The following LDLRAD3 variants were observed in gnomAD, a reference collection of about 807,000 sequenced individuals.
The protein encoded by LDLRAD3 is low-density lipoprotein receptor class A domain-containing protein 3.
A neutral mutation model predicts 29.4 loss-of-function variants in LDLRAD3; 20 were observed. The observed-to-expected ratio is 0.68, with a 90% confidence interval of 0.48 to 0.99. The LOEUF is 0.99. Ranked by LOEUF, LDLRAD3 falls within the 50% of genes least tolerant of loss-of-function variation. LDLRAD3 has a pLI of 0.00. For synonymous variants in LDLRAD3, 157 were observed against 192.7 expected, an observed-to-expected ratio of 0.81 and a Z score of 1.53; for missense variants, 420 against 454.3, an observed-to-expected ratio of 0.92 and a Z score of 0.69.
chr11:35,945,831 A>T (rs1027118858), intron 1 of LDLRAD3, among the ~76,000 whole-genome samples: 16 of 152,252 alleles, frequency 1.1e-4, no homozygotes, highest in African/African-American at 3.4e-4. Context: ...TTGTAAAGTT[A>T]ATTTTGTCCC....
At chr11:35,955,490 C>CT (rs1209962878) in intron 1 of LDLRAD3, among the ~76,000 whole-genome samples, 1 of 152,134 alleles carries the variant, frequency 6.6e-6, no homozygotes, top group Non-Finnish European at 1.5e-5. Flanking sequence ...TATCTGCTCA[C>CT]TTTCGGACAC....
intron 1 of LDLRAD3, among the ~76,000 whole-genome samples, chr11:36,007,606 C>T (rs1401488828): frequency 6.6e-6 from 1 of 152,180 alleles, no homozygotes; most frequent in Non-Finnish European, 1.5e-5. Flanking sequence ...CAGCAGTCCT[C>T]CTCAGCCAGC....
intron 2 of LDLRAD3, among the ~76,000 whole-genome samples, chr11:36,065,419 G>A (rs1304948386): frequency 6.6e-6 from 1 of 152,126 alleles, no homozygotes; most frequent in Admixed American, 6.5e-5. Context: ...TTTTGGATAA[G>A]TTAGAAGCTG....
intron 1 of LDLRAD3, among the ~76,000 whole-genome samples, chr11:35,958,081 T>C (rs983772891): frequency 1.3e-5 from 2 of 152,220 alleles, no homozygotes; most frequent in Non-Finnish European, 2.9e-5. Flanking sequence ...CGTGCCAGTA[T>C]ACTAAAATAC....
At chr11:36,073,510 C>T (rs979695990) in intron 2 of LDLRAD3, among the ~76,000 whole-genome samples, 1 of 152,232 alleles carries the variant, frequency 6.6e-6, no homozygotes, top group Admixed American at 6.5e-5. Context: ...GGGGCCTTGC[C>T]CAGGACCCCC....
intron 4 of LDLRAD3, among the ~76,000 whole-genome samples, chr11:36,184,698 C>T (rs547559684): frequency 6.6e-6 from 1 of 152,282 alleles, no homozygotes; most frequent in South Asian, 2.1e-4. Flanking sequence ...ATGAGAAGGC[C>T]ATCCATGGTG....
intron 2 of LDLRAD3, among the ~76,000 whole-genome samples, chr11:36,049,642 G>T (rs1395821903): frequency 1.3e-5 from 2 of 152,184 alleles, no homozygotes; most frequent in East Asian, 3.8e-4. Context: ...GAATGTCTTA[G>T]GTCTGAAAGG....
intron 2 of LDLRAD3, among the ~76,000 whole-genome samples, chr11:36,061,164 A>G (rs908318003): frequency 1.3e-5 from 2 of 152,016 alleles, no homozygotes; most frequent in Non-Finnish European, 2.9e-5. Context: ...CCTGAGACAG[A>G]GTCTCGCTCT....
intron 3 of LDLRAD3, among the ~76,000 whole-genome samples, chr11:36,096,354 C>T (rs571369198): frequency 1.2e-4 from 18 of 152,284 alleles, no homozygotes; most frequent in South Asian, 4.1e-4. Flanking sequence ...CACAGAGAGA[C>T]GCTAGAGCTG....
chr11:36,059,643 C>T (rs1349631623), intron 2 of LDLRAD3, among the ~76,000 whole-genome samples: 2 of 152,208 alleles, frequency 1.3e-5, no homozygotes, highest in Non-Finnish European at 2.9e-5. Context: ...TGGCTGACTT[C>T]TTGTCTTCTA....
At chr11:36,093,559 C>A (rs550897323) in intron 3 of LDLRAD3, among the ~76,000 whole-genome samples, 1 of 152,194 alleles carries the variant, frequency 6.6e-6, no homozygotes, top group East Asian at 1.9e-4. Context: ...TTTTTCTGGG[C>A]CACTTTGCCA....
chr11:36,102,751 G>A (rs979373241), intron 4 of LDLRAD3, among the ~76,000 whole-genome samples: 1 of 152,118 alleles, frequency 6.6e-6, no homozygotes, highest in African/African-American at 2.4e-5. Flanking sequence ...GCAGGCTTTC[G>A]ATGGCTTTTC....
At chr11:36,036,062 GCTGTTGCTGTGCCGT>G in intron 1 of LDLRAD3, 26 bp from the exon 2 acceptor site, 1 of 1,598,960 alleles carries the variant, frequency 6.3e-7, no homozygotes, top group Non-Finnish European at 8.5e-7. Context: ...TGAGGTCCCT[GCTGTTGCTGTGCCGT>G]CTGACCTGTC....
chr11:36,208,677 AAATAAATAATT>A (rs1295849271), intron 4 of LDLRAD3, among the ~76,000 whole-genome samples: 4 of 152,248 alleles, frequency 2.6e-5, no homozygotes, highest in African/African-American at 4.8e-5. Flanking sequence ...CATCTGAAGT[AAATAAATAATT>A]AATAAATAAA....
intron 1 of LDLRAD3, among the ~76,000 whole-genome samples, chr11:36,009,541 A>T (rs1851928664): frequency 6.6e-6 from 1 of 152,252 alleles, no homozygotes; most frequent in Non-Finnish European, 1.5e-5. Context: ...TGAAAGATGT[A>T]AAGTGGAATT....
At chr11:36,099,682 T>G (rs2133275364) in intron 4 of LDLRAD3, among the ~76,000 whole-genome samples, 1 of 152,308 alleles carries the variant, frequency 6.6e-6, no homozygotes, top group East Asian at 1.9e-4. Context: ...GGTCCTAGCT[T>G]TTATTTTGAT....
At chr11:36,045,202 C>G (rs1167110443) in intron 2 of LDLRAD3, among the ~76,000 whole-genome samples, 1 of 152,186 alleles carries the variant, frequency 6.6e-6, no homozygotes, top group Non-Finnish European at 1.5e-5. Flanking sequence ...TACATACAGA[C>G]GTTTCCAGGT....
At chr11:36,207,470 G>A (rs1165682811) in intron 4 of LDLRAD3, among the ~76,000 whole-genome samples, 3 of 152,110 alleles carry the variant, frequency 2.0e-5, no homozygotes, top group African/African-American at 7.2e-5. Flanking sequence ...GGCAGCATAA[G>A]GAGACCCTGT....
intron 4 of LDLRAD3, among the ~76,000 whole-genome samples, chr11:36,110,824 G>A (rs190265010): frequency 6.8e-4 from 103 of 152,328 alleles, no homozygotes; most frequent in African/African-American, 2.4e-3. Flanking sequence ...GCAGCATGCC[G>A]TGGGAGCTTG....
Sources: gnomAD v4.1 joint callset for allele counts (sites outside exome capture counted in the v4.1 genomes callset) on GRCh38, gnomAD v4.1.1 for gene constraint, MANE v1.5 for transcripts, NCBI Gene and HGNC (gene_info 2026-07-23, HGNC 2026-07-21) for gene names.